CUL1: variants seen among roughly 807,000 people sequenced by gnomAD.
The protein encoded by CUL1 is cullin-1.
Under a neutral mutation model 118.0 loss-of-function variants are expected in CUL1, and 24 were observed. The observed-to-expected ratio is 0.20, with a 90% CI of 0.15 to 0.29. The LOEUF (loss-of-function observed/expected upper bound fraction) is 0.29, where lower values mean the gene tolerates loss of function less well. Among genes scored for constraint, CUL1 ranks in the 10% least tolerant of loss-of-function variants. The probability of loss-of-function intolerance (pLI) is 1.00; values close to 1 mark genes in which losing one functional copy is unlikely to be tolerated. For synonymous variants in CUL1, 332 were observed against 340.4 expected (o/e 0.98, Z 0.27); for missense variants, 361 against 933.8 (o/e 0.39, Z 7.99).
chr7:148,758,500 C>T (rs1368058113), intron 4 of CUL1, among the ~76,000 whole-genome samples: 2 of 152,058 alleles, frequency 1.3e-5, no homozygotes, highest in African/African-American at 4.8e-5. Flanking sequence ...ACCTATAGTC[C>T]CAGCCACACA....
intron 9 of CUL1, among the ~76,000 whole-genome samples, chr7:148,768,647 A>T (rs1800093088): frequency 6.6e-6 from 1 of 152,126 alleles, no homozygotes; most frequent in South Asian, 2.1e-4. Flanking sequence ...GGCCTCCCAA[A>T]GTGCTGAGAT....
chr7:148,722,553 C>T (rs1016261815), intron 1 of CUL1, among the ~76,000 whole-genome samples: 4 of 152,292 alleles, frequency 2.6e-5, no homozygotes, highest in South Asian at 2.1e-4. Context: ...CCTCCTCATG[C>T]GGGTTGACAG....
chr7:148,760,632 C>T, intron 7 of CUL1, 136 bp downstream of exon 7: 1 of 599,432 alleles, frequency 1.7e-6, no homozygotes, highest in Non-Finnish European at 2.8e-6. Flanking sequence ...TTATCAGGTG[C>T]AAGTGCTTCT....
At chr7:148,720,662 A>G (rs145456095) in intron 1 of CUL1, among the ~76,000 whole-genome samples, 202 of 152,350 alleles carry the variant, frequency 1.3e-3, no homozygotes, top group African/African-American at 4.6e-3. Flanking sequence ...GCTTCTGACA[A>G]CTAAGTCAGG....
At chr7:148,740,853 G>A (rs374823359) in intron 2 of CUL1, among the ~76,000 whole-genome samples, 1 of 152,178 alleles carries the variant, frequency 6.6e-6, no homozygotes. Context: ...GAAGGTGGCC[G>A]TCTGCAACCC....
At chr7:148,775,732 A>G (rs1800372159) in intron 9 of CUL1, among the ~76,000 whole-genome samples, 1 of 151,930 alleles carries the variant, frequency 6.6e-6, no homozygotes, top group African/African-American at 2.4e-5. Flanking sequence ...GATGGTTTGG[A>G]TTTATTTTGT....
chr7:148,769,397 T>TCACACACACACACACACA (rs55858322), intron 9 of CUL1, among the ~76,000 whole-genome samples: 77 of 129,098 alleles, frequency 6.0e-4, no homozygotes, highest in African/African-American at 1.8e-3. Flanking sequence ...AGGGCCTGAT[T>TCACACACACACACACACA]CACACACACA....
chr7:148,791,319 C>G (rs1353964211), intron 16 of CUL1, among the ~76,000 whole-genome samples: 1 of 152,148 alleles, frequency 6.6e-6, no homozygotes, highest in East Asian at 1.9e-4. Flanking sequence ...TTAAGAAACT[C>G]CAGAATGGGT....
chr7:148,780,295 T>C (rs905890754), intron 9 of CUL1, among the ~76,000 whole-genome samples: 5 of 152,210 alleles, frequency 3.3e-5, no homozygotes, highest in African/African-American at 1.2e-4. Flanking sequence ...GGCTTTGTAA[T>C]GGACAGGTTT....
intron 15 of CUL1, among the ~76,000 whole-genome samples, chr7:148,790,030 C>G (rs958246013): frequency 1.3e-5 from 2 of 152,228 alleles, no homozygotes; most frequent in Non-Finnish European, 2.9e-5. Context: ...TGTCCCAGCT[C>G]TACAGACATG....
intron 4 of CUL1, among the ~76,000 whole-genome samples, chr7:148,758,352 T>C (rs1241666778): frequency 6.6e-6 from 1 of 152,214 alleles, no homozygotes; most frequent in East Asian, 1.9e-4. Context: ...AGCTTCACTT[T>C]TGACAAATTT....
intron 2 of CUL1, among the ~76,000 whole-genome samples, chr7:148,739,427 G>T (rs1451766570): frequency 6.6e-6 from 1 of 152,182 alleles, no homozygotes; most frequent in East Asian, 1.9e-4. Flanking sequence ...AGTTGATCCT[G>T]TTCTTTAGGC....
At chr7:148,715,632 A>G (rs1798190181) in intron 1 of CUL1, among the ~76,000 whole-genome samples, 1 of 152,082 alleles carries the variant, frequency 6.6e-6, no homozygotes, top group African/African-American at 2.4e-5. Context: ...CCTCATCTCT[A>G]TTAAGTTCTT....
chr7:148,781,274 GGTT>G lies in CUL1; in HGVS notation c.1084-2508_1084-2506del, dbSNP rs1800622939. ...TTTTTTGTATTTTTAGTAGAGATGG[GGTT>G]TCACCATGTTGGCCAGGCTGGTCTA... On this transcript the variant is annotated intron_variant, in intron 9 of 21. Transcript: ENST00000325222. Among the ~76,000 whole-genome samples, 6 of 151,876 alleles carry G rather than the reference GGTT, an allele frequency of 4.0e-5. No homozygotes were observed. In the South Asian group the frequency reaches 1.2e-3, roughly 32 times the overall value.
chr7:148,771,710 G>A (rs1800218966), intron 9 of CUL1, among the ~76,000 whole-genome samples: 1 of 152,212 alleles, frequency 6.6e-6, no homozygotes, highest in East Asian at 1.9e-4. Context: ...TCAAGGATGA[G>A]ATTTCAAACT....
intron 1 of CUL1, among the ~76,000 whole-genome samples, chr7:148,708,509 T>A (rs1038032339): frequency 3.9e-5 from 6 of 152,256 alleles, no homozygotes; most frequent in Non-Finnish European, 8.8e-5. Context: ...CGCTGCTGAT[T>A]GCTGCTTCAT....
In CUL1 at chr7:148,710,368, G is replaced by A. The variant is rs184872463; in HGVS notation, c.-162+11339G>A. ...GCGGATCACCTGAGGTCAGGAGTTC[G>A]AGACCAGCCTGACCAACATGTAGAA... On this transcript the variant is annotated intron_variant, in intron 1 of 21. Transcript: ENST00000325222. Among the ~76,000 whole-genome samples, 11 of 152,214 alleles carry A rather than the reference G, an allele frequency of 7.2e-5. No homozygotes were observed. The East Asian group carries it at 1.4e-3, about 19-fold the overall frequency.
intron 3 of CUL1, among the ~76,000 whole-genome samples, chr7:148,756,319 G>A (rs1278576181): frequency 6.6e-6 from 1 of 152,098 alleles, no homozygotes; most frequent in African/African-American, 2.4e-5. Context: ...TTGCTAAGTA[G>A]GACATGTTGA....
At chr7:148,790,901 A>G (rs1054482512) in intron 16 of CUL1, among the ~76,000 whole-genome samples, 4 of 152,188 alleles carry the variant, frequency 2.6e-5, no homozygotes, top group Non-Finnish European at 4.4e-5. Flanking sequence ...ATTTATACCT[A>G]TGTAACTAAG....
Sources: allele counts gnomAD v4.1 joint callset (sites outside exome capture counted in the v4.1 genomes callset), GRCh38; gene constraint gnomAD v4.1.1; transcripts MANE v1.5; gene names NCBI Gene and HGNC (gene_info 2026-07-23, HGNC 2026-07-21).